The following NLK variants were observed in gnomAD, a reference collection of about 807,000 sequenced individuals.
NLK encodes the protein serine/threonine-protein kinase NLK.
NLK carries 11 observed loss-of-function variants against 59.0 expected under a neutral mutation model. The ratio of observed to expected loss-of-function variants is 0.19; its 90% confidence interval spans 0.12 to 0.31. The LOEUF (loss-of-function observed/expected upper bound fraction) is 0.31, where lower values mean the gene tolerates loss of function less well. Ranked by LOEUF, NLK falls within the 10% of genes least tolerant of loss-of-function variation. The pLI, the probability that NLK is intolerant of heterozygous loss-of-function variation, is 1.00. For missense variants in NLK, 410 were observed against 661.1 expected (o/e 0.62, Z 4.16); for synonymous variants, 235 against 235.9 (o/e 1.00, Z 0.03).
chr17:28,074,479 T>G (rs937449933), intron 1 of NLK, among the ~76,000 whole-genome samples: 5 of 152,202 alleles, frequency 3.3e-5, no homozygotes, highest in Non-Finnish European at 7.3e-5. Context: ...GTTTCCTAAA[T>G]GACCTTGATT....
Position 28,188,980 on chromosome 17 carries a change from G to GACACACAC in NLK, c.1237-2016_1237-2009dup, listed in dbSNP as rs57423093. On this transcript the variant is annotated intron_variant, in intron 8 of 10. Coordinates refer to ENST00000407008, the MANE Select transcript of NLK (RefSeq NM_016231.5). ...AGATACACATACACAGACAAACACA[G>GACACACAC]ACACACACACACACACACACACACA... 1.6e-3 allele frequency among the ~76,000 whole-genome samples: 223 copies of GACACACAC among 142,622 alleles called. 1 individual carries two copies. Among genetic ancestry groups the GACACACAC allele is most frequent in the African/African-American group, 5.2e-3 (204 of 39,184 alleles). The allele number at this position is 142,622 out of a possible 152,430, so 93.6% of individuals were successfully genotyped here.
Position 28,122,712 on chromosome 17 carries a change from T to C in NLK, c.568T>C (p.Cys190Arg), listed in dbSNP as rs896976573. 1.2e-6 allele frequency: 2 copies of C among 1,613,736 alleles called. No homozygotes were observed. Among genetic ancestry groups the C allele is most frequent in the African/African-American group, 1.3e-5 (1 of 74,906 alleles). ...KRVFRELKML[C>R]FFKHDNVLSA... ...GGTCTTCCGGGAATTGAAGATGTTG[T>C]GTTTTTTTAAGCATGATAATGTAAG... Residue 190 changes from cysteine (C) to arginine (R), a missense_variant, in exon 2 of 11, where the codon TGT (cysteine) becomes CGT (arginine). Coordinates refer to ENST00000407008, the MANE Select transcript of NLK (RefSeq NM_016231.5).
intron 1 of NLK, among the ~76,000 whole-genome samples, chr17:28,088,262 G>A (rs530596129): frequency 6.6e-6 from 1 of 152,220 alleles, no homozygotes; most frequent in African/African-American, 2.4e-5. Flanking sequence ...TTAATCAGGA[G>A]GCACATAATA....
chr17:28,128,957 A>G (rs1328197251), intron 2 of NLK, among the ~76,000 whole-genome samples: 1 of 152,242 alleles, frequency 6.6e-6, no homozygotes, highest in Admixed American at 6.5e-5. Context: ...GTTCAATAAT[A>G]GCACAGTACA....
intron 1 of NLK, among the ~76,000 whole-genome samples, chr17:28,073,191 CAAG>C: frequency 6.6e-6 from 1 of 152,180 alleles, no homozygotes; most frequent in African/African-American, 2.4e-5. Context: ...ACTCTTCTAC[CAAG>C]AACCAAAGCC....
At chr17:28,100,171 T>C (rs1284110547) in intron 1 of NLK, among the ~76,000 whole-genome samples, 3 of 152,210 alleles carry the variant, frequency 2.0e-5, no homozygotes, top group Non-Finnish European at 4.4e-5. Flanking sequence ...ATAGCTCTTT[T>C]TACATTGCTC....
chr17:28,172,650 C>T (rs756314389), intron 7 of NLK, 32 bp downstream of exon 7: 3 of 1,299,248 alleles, frequency 2.3e-6, no homozygotes, highest in Non-Finnish European at 3.1e-6. Flanking sequence ...TTTCTGGTAA[C>T]CATCTGTTTG....
At position 28,111,896 on chromosome 17, in the gene NLK, G is replaced by GTGTGGT. The variant is rs1394476582; in HGVS notation, c.459-10707_459-10706insTGTGGT. Reference sequence around the variant, plus strand: ...TGTGTGTGTGTGTGTGTGTGTGTGTGGTGTGTGTGTGTGTGTGTGTGTGTG... The same window carrying GTGTGGT: ...TGTGTGTGTGTGTGTGTGTGTGTGTGTGTGGTGTGTGTGTGTGTGTGTGTGTGTGTG... On this transcript the variant is annotated intron_variant, in intron 1 of 10. Coordinates refer to ENST00000407008, the MANE Select transcript of NLK (RefSeq NM_016231.5). Among the ~76,000 whole-genome samples, 631 of 67,514 alleles carry GTGTGGT rather than the reference G, an allele frequency of 9.3e-3. 7 individuals carry two copies. Among genetic ancestry groups the GTGTGGT allele is most frequent in the Non-Finnish European group, 0.013 (464 of 36,754 alleles). 44.3% of individuals were successfully genotyped at this position (67,514 alleles called of 152,430 possible). A position where few individuals can be genotyped will look rare whatever the true frequency, so the allele number is the denominator to read the frequency against.
At chr17:28,048,968 CTG>C (rs1381997241) in intron 1 of NLK, 1 of 152,208 alleles carries the variant, frequency 6.6e-6, no homozygotes, top group Non-Finnish European at 1.5e-5. Flanking sequence ...CCCTGTGCCT[CTG>C]TGCTACTCCA....
At chr17:28,092,434 A>G (rs1348308002) in intron 1 of NLK, among the ~76,000 whole-genome samples, 1 of 152,136 alleles carries the variant, frequency 6.6e-6, no homozygotes, top group Non-Finnish European at 1.5e-5. Context: ...AATAGGTGGG[A>G]GCTCTTCCAT....
At chr17:28,127,717 A>G (rs1037465750) in intron 2 of NLK, among the ~76,000 whole-genome samples, 16 of 152,324 alleles carry the variant, frequency 1.1e-4, no homozygotes, top group African/African-American at 3.4e-4. Context: ...TTTTATGTCT[A>G]TATGCGTATG....
At chr17:28,080,749 G>A (rs537439465) in intron 1 of NLK, among the ~76,000 whole-genome samples, 1 of 152,266 alleles carries the variant, frequency 6.6e-6, no homozygotes, top group South Asian at 2.1e-4. Flanking sequence ...TTGAAAATTT[G>A]TTGAAAACAG....
intron 7 of NLK, among the ~76,000 whole-genome samples, chr17:28,181,842 C>A (rs1908919075): frequency 6.6e-6 from 1 of 152,038 alleles, no homozygotes; most frequent in Non-Finnish European, 1.5e-5. Context: ...GAAACCGTGT[C>A]TCTAAAAAAA....
chr17:28,097,584 C>T (rs552374892), intron 1 of NLK, among the ~76,000 whole-genome samples: 2 of 152,044 alleles, frequency 1.3e-5, no homozygotes, highest in Admixed American at 6.6e-5. Context: ...GATTGGGAAA[C>T]GTTATTTTAA....
intron 1 of NLK, among the ~76,000 whole-genome samples, chr17:28,059,926 A>G (rs1314622162): frequency 6.6e-6 from 1 of 152,140 alleles, no homozygotes; most frequent in Non-Finnish European, 1.5e-5. Flanking sequence ...AGCATAAATC[A>G]TAATAAAATA....
chr17:28,064,328 G>T (rs1909759553), intron 1 of NLK, among the ~76,000 whole-genome samples: 1 of 151,696 alleles, frequency 6.6e-6, no homozygotes, highest in Non-Finnish European at 1.5e-5. Flanking sequence ...AAAATATTTT[G>T]TGTAGAGACG....
At chr17:28,118,064 A>T (rs1430037128) in intron 1 of NLK, among the ~76,000 whole-genome samples, 1 of 152,192 alleles carries the variant, frequency 6.6e-6, no homozygotes, top group Non-Finnish European at 1.5e-5. Context: ...AACAAATAGG[A>T]TACATTTCCT....
At chr17:28,092,270 G>T (rs545718420) in intron 1 of NLK, among the ~76,000 whole-genome samples, 1 of 151,476 alleles carries the variant, frequency 6.6e-6, no homozygotes, top group Non-Finnish European at 1.5e-5. Flanking sequence ...AAGGCGGGGG[G>T]GTGGGGGGAG....
At chr17:28,113,556 C>G (rs1192588154) in intron 1 of NLK, among the ~76,000 whole-genome samples, 2 of 152,176 alleles carry the variant, frequency 1.3e-5, no homozygotes, top group African/African-American at 4.8e-5. Flanking sequence ...TGTCATGGCA[C>G]TAGTGGGAGT....
Sources: gnomAD v4.1 joint callset for allele counts (sites outside exome capture counted in the v4.1 genomes callset) on GRCh38, gnomAD v4.1.1 for gene constraint, MANE v1.5 for transcripts, NCBI Gene and HGNC (gene_info 2026-07-23, HGNC 2026-07-21) for gene names.